Variants in ST6GALNAC3 observed in about 807,000 individuals in gnomAD.
ST6GALNAC3 encodes the protein alpha-N-acetylgalactosaminide alpha-2,6-sialyltransferase 3.
ST6GALNAC3 carries 25 observed loss-of-function variants against 32.7 expected under a neutral mutation model. The ratio of observed to expected loss-of-function variants is 0.76; its 90% CI spans 0.56 to 1.07. ST6GALNAC3 has a LOEUF of 1.07. ST6GALNAC3 is among the 50% of genes least tolerant of loss of function. The pLI, the probability that ST6GALNAC3 is intolerant of heterozygous loss-of-function variation, is 0.00. For missense variants in ST6GALNAC3, 355 were observed against 382.4 expected (o/e 0.93, Z 0.60); for synonymous variants, 129 against 133.1 (o/e 0.97, Z 0.21).
intron 1 of ST6GALNAC3, among the ~76,000 whole-genome samples, chr1:76,170,820 C>A (rs1570292806): frequency 6.6e-6 from 1 of 152,116 alleles, no homozygotes. Context: ...AATTAAAATC[C>A]TCATTTACAG....
At chr1:76,134,540 G>A (rs1649816478) in intron 1 of ST6GALNAC3, among the ~76,000 whole-genome samples, 1 of 152,222 alleles carries the variant, frequency 6.6e-6, no homozygotes, top group Admixed American at 6.5e-5. Flanking sequence ...ACAGGTCAGA[G>A]ACAGGATTGG....
At chr1:76,540,211 A>T (rs922443602) in intron 3 of ST6GALNAC3, among the ~76,000 whole-genome samples, 6 of 152,194 alleles carry the variant, frequency 3.9e-5, no homozygotes, top group African/African-American at 1.4e-4. Context: ...TTGCAGGGAC[A>T]TGGATGAAGC....
chr1:76,529,307 G>C (rs1425596227), intron 3 of ST6GALNAC3, among the ~76,000 whole-genome samples: 4 of 152,042 alleles, frequency 2.6e-5, no homozygotes, highest in African/African-American at 9.7e-5. Context: ...CAAGTATTTA[G>C]ATACCAGATG....
intron 1 of ST6GALNAC3, among the ~76,000 whole-genome samples, chr1:76,221,763 C>T (rs2100606414): frequency 6.6e-6 from 1 of 152,216 alleles, no homozygotes; most frequent in Non-Finnish European, 1.5e-5. Flanking sequence ...AAAGATTGGC[C>T]TCTTTATGCT....
intron 1 of ST6GALNAC3, among the ~76,000 whole-genome samples, chr1:76,158,470 G>T (rs1050741178): frequency 1.3e-5 from 2 of 152,226 alleles, no homozygotes; most frequent in Non-Finnish European, 2.9e-5. Flanking sequence ...TGCAGCCACA[G>T]TTCCTGGGGT....
chr1:76,156,245 G>A (rs973436105), intron 1 of ST6GALNAC3, among the ~76,000 whole-genome samples: 8 of 152,110 alleles, frequency 5.3e-5, no homozygotes, highest in African/African-American at 1.9e-4. Flanking sequence ...TCATCACCTC[G>A]CTGAGACGGT....
At chr1:76,590,569 C>T (rs1647031618) in intron 3 of ST6GALNAC3, among the ~76,000 whole-genome samples, 1 of 152,088 alleles carries the variant, frequency 6.6e-6, no homozygotes, top group Non-Finnish European at 1.5e-5. Context: ...GCTGAGAGAG[C>T]AAACAAAGAC....
At chr1:76,523,780 A>AT (rs1485194559) in intron 3 of ST6GALNAC3, among the ~76,000 whole-genome samples, 2 of 152,262 alleles carry the variant, frequency 1.3e-5, no homozygotes, top group East Asian at 3.9e-4. Flanking sequence ...TTTGGCAAAT[A>AT]TTTTGAGGGG....
chr1:76,556,583 G>A (rs542063805), intron 3 of ST6GALNAC3, among the ~76,000 whole-genome samples: 40 of 152,102 alleles, frequency 2.6e-4, no homozygotes, highest in African/African-American at 9.6e-4. Flanking sequence ...ATGATAATGG[G>A]TATACCTCAT....
chr1:76,233,818 A>G (rs2100645402), intron 1 of ST6GALNAC3, among the ~76,000 whole-genome samples: 1 of 152,318 alleles, frequency 6.6e-6, no homozygotes, highest in East Asian at 1.9e-4. Flanking sequence ...GGGAGGAAAT[A>G]CCATTTACTT....
intron 1 of ST6GALNAC3, among the ~76,000 whole-genome samples, chr1:76,274,481 A>G (rs1244284496): frequency 6.6e-6 from 1 of 152,134 alleles, no homozygotes; most frequent in Non-Finnish European, 1.5e-5. Flanking sequence ...ATCTCTGATC[A>G]GCCTCCTCAC....
intron 1 of ST6GALNAC3, among the ~76,000 whole-genome samples, chr1:76,292,791 A>G (rs1027786813): frequency 5.9e-5 from 9 of 152,096 alleles, no homozygotes; most frequent in Non-Finnish European, 1.0e-4. Flanking sequence ...CTGTAGCCCC[A>G]CATGTCAGTT....
intron 3 of ST6GALNAC3, among the ~76,000 whole-genome samples, chr1:76,494,435 A>ATG (rs1660683048): frequency 4.5e-5 from 2 of 44,074 alleles, no homozygotes; most frequent in African/African-American, 6.6e-5. Flanking sequence ...ATGTGTATAT[A>ATG]TATATATATA....
chr1:76,149,374 A>G (rs1650897334), intron 1 of ST6GALNAC3, among the ~76,000 whole-genome samples: 1 of 152,202 alleles, frequency 6.6e-6, no homozygotes, highest in South Asian at 2.1e-4. Flanking sequence ...GGGAAAGAGT[A>G]TATTCCCAGG....
intron 3 of ST6GALNAC3, among the ~76,000 whole-genome samples, chr1:76,518,991 G>A (rs1167025889): frequency 1.3e-5 from 2 of 152,026 alleles, no homozygotes; most frequent in African/African-American, 4.8e-5. Context: ...ACTTGAACCC[G>A]GAAGGCAGAG....
At chr1:76,506,855 T>C (rs945179275) in intron 3 of ST6GALNAC3, among the ~76,000 whole-genome samples, 6 of 152,136 alleles carry the variant, frequency 3.9e-5, no homozygotes, top group African/African-American at 1.4e-4. Flanking sequence ...TGGAAGTCAA[T>C]AGAAGTAAAT....
chr1:76,466,887 T>C (rs963973783), intron 3 of ST6GALNAC3, among the ~76,000 whole-genome samples: 6 of 152,122 alleles, frequency 3.9e-5, no homozygotes, highest in Non-Finnish European at 5.9e-5. Flanking sequence ...GCTAAAATTG[T>C]TCAGATTTAG....
At chr1:76,476,798 C>T (rs1659385005) in intron 3 of ST6GALNAC3, among the ~76,000 whole-genome samples, 2 of 152,128 alleles carry the variant, frequency 1.3e-5, no homozygotes, top group African/African-American at 2.4e-5. Flanking sequence ...GCTGGTCAGC[C>T]GGACCATCGC....
chr1:76,404,634 A>G (rs982294826), intron 2 of ST6GALNAC3, among the ~76,000 whole-genome samples: 2 of 152,128 alleles, frequency 1.3e-5, no homozygotes, highest in Non-Finnish European at 2.9e-5. Flanking sequence ...AAAGACATTC[A>G]GGAAGAGCAG....
Sources: allele counts gnomAD v4.1 joint callset (sites outside exome capture counted in the v4.1 genomes callset), GRCh38; gene constraint gnomAD v4.1.1; transcripts MANE v1.5; gene names NCBI Gene and HGNC (gene_info 2026-07-23, HGNC 2026-07-21).